Variants in DCC observed in about 807,000 individuals in gnomAD.
DCC encodes the protein netrin receptor DCC.
A neutral mutation model predicts 172.5 loss-of-function variants in DCC; 58 were observed. That is an observed-to-expected ratio of 0.34 (90% CI 0.27 to 0.42). The LOEUF is 0.42. Among genes scored for constraint, DCC ranks in the 10% least tolerant of loss-of-function variants. The pLI is 1.00. For missense variants in DCC, 1,740 were observed against 1,791.0 expected (o/e 0.97, Z 0.51); for synonymous variants, 709 against 644.5 (o/e 1.10, Z -1.52).
intron 5 of DCC, among the ~76,000 whole-genome samples, chr18:52,998,664 G>A (rs1475259473): frequency 6.6e-6 from 1 of 152,030 alleles, no homozygotes; most frequent in South Asian, 2.1e-4. Context: ...TGAAACTCTA[G>A]AGAAAATTTT....
chr18:53,021,316 T>C (rs1250089105), intron 5 of DCC, among the ~76,000 whole-genome samples: 1 of 152,170 alleles, frequency 6.6e-6, no homozygotes, highest in African/African-American at 2.4e-5. Context: ...AGAGCATGAA[T>C]TGGAAGATTT....
chr18:52,569,204 G>A (rs1958188565), intron 1 of DCC, among the ~76,000 whole-genome samples: 2 of 152,172 alleles, frequency 1.3e-5, no homozygotes. Flanking sequence ...GATAAAAGAG[G>A]AACACAACGC....
intron 12 of DCC, among the ~76,000 whole-genome samples, chr18:53,297,319 G>T (rs1453152023): frequency 2.0e-5 from 3 of 152,142 alleles, no homozygotes; most frequent in Non-Finnish European, 4.4e-5. Flanking sequence ...TTTCCATCAG[G>T]TTTACTTGGC....
At chr18:53,283,137 G>A (rs866836136) in intron 12 of DCC, among the ~76,000 whole-genome samples, 4 of 152,098 alleles carry the variant, frequency 2.6e-5, no homozygotes, top group Non-Finnish European at 4.4e-5. Context: ...TTGTTCAAGC[G>A]TTTCAGTATT....
At chr18:52,706,915 C>T (rs185551351) in intron 1 of DCC, among the ~76,000 whole-genome samples, 1 of 152,104 alleles carries the variant, frequency 6.6e-6, no homozygotes, top group East Asian at 1.9e-4. Context: ...AGAGAGGGTC[C>T]CAGGGAGAGG....
intron 1 of DCC, among the ~76,000 whole-genome samples, chr18:52,429,030 C>T (rs1487703045): frequency 6.6e-6 from 1 of 152,030 alleles, no homozygotes; most frequent in Non-Finnish European, 1.5e-5. Flanking sequence ...CCCTCTCTTT[C>T]GCACTTTACT....
chr18:52,795,212 C>T (rs910366302), intron 2 of DCC, among the ~76,000 whole-genome samples: 2 of 151,932 alleles, frequency 1.3e-5, no homozygotes, highest in Non-Finnish European at 2.9e-5. Flanking sequence ...TGTGTTAGTT[C>T]TTCATACATT....
At chr18:52,846,688 T>G (rs1181273194) in intron 2 of DCC, among the ~76,000 whole-genome samples, 1 of 149,660 alleles carries the variant, frequency 6.7e-6, no homozygotes, top group African/African-American at 2.5e-5. Flanking sequence ...TCGCAGAGAT[T>G]GGGAGCTTTC....
chr18:53,426,622 T>A (rs1422094854), intron 21 of DCC, among the ~76,000 whole-genome samples: 2 of 149,592 alleles, frequency 1.3e-5, no homozygotes, highest in East Asian at 1.9e-4. Context: ...ATCCTGTTTT[T>A]CCACTGGGTC....
intron 12 of DCC, among the ~76,000 whole-genome samples, chr18:53,305,252 T>A (rs1198321148): frequency 2.0e-5 from 3 of 152,230 alleles, no homozygotes; most frequent in Non-Finnish European, 2.9e-5. Context: ...AAATATTAGT[T>A]GACATCTCTC....
chr18:52,715,397 T>G lies in DCC; in HGVS notation c.92-36657T>G, dbSNP rs866255699. Reference sequence around the variant, plus strand: ...TCACTGCAACCTCCACCTCCTGGGGTCAAGTGATTCTTGTGCCTCAGCCTC... The same window carrying G: ...TCACTGCAACCTCCACCTCCTGGGGGCAAGTGATTCTTGTGCCTCAGCCTC... On this transcript the variant is annotated intron_variant, in intron 1 of 28. Transcript: ENST00000442544. 3.1e-4 allele frequency among the ~76,000 whole-genome samples: 47 copies of G among 151,634 alleles called. 1 individual carries two copies. The highest frequency in any genetic ancestry group is 3.4e-3 in the Middle Eastern group (1 of 292).
intron 8 of DCC, among the ~76,000 whole-genome samples, chr18:53,161,810 T>A (rs1031575653): frequency 5.9e-5 from 9 of 152,210 alleles, no homozygotes; most frequent in Non-Finnish European, 1.2e-4. Flanking sequence ...CGTCATCAAC[T>A]CTTGGCAGTA....
At chr18:52,597,753 G>T (rs980735260) in intron 1 of DCC, among the ~76,000 whole-genome samples, 2 of 152,150 alleles carry the variant, frequency 1.3e-5, no homozygotes, top group African/African-American at 4.8e-5. Context: ...CAGGTTTCAG[G>T]AAGTCAAAGA....
chr18:52,868,027 A>G (rs1301157083), intron 2 of DCC, among the ~76,000 whole-genome samples: 3 of 120,322 alleles, frequency 2.5e-5, no homozygotes, highest in Admixed American at 1.8e-4. Context: ...TAATATGTGT[A>G]TGTGTGTATA....
intron 5 of DCC, among the ~76,000 whole-genome samples, chr18:52,970,009 G>T (rs1022788877): frequency 1.3e-5 from 2 of 150,770 alleles, no homozygotes; most frequent in Non-Finnish European, 3.0e-5. Flanking sequence ...TGGAAGACTT[G>T]ATTTGACACA....
At chr18:53,172,705 A>G (rs1376623531) in intron 8 of DCC, among the ~76,000 whole-genome samples, 1 of 152,144 alleles carries the variant, frequency 6.6e-6, no homozygotes, top group African/African-American at 2.4e-5. Flanking sequence ...ACAGCAGATG[A>G]TAGACAAATT....
intron 12 of DCC, among the ~76,000 whole-genome samples, chr18:53,287,645 AT>A (rs1472739511): frequency 2.0e-5 from 3 of 152,124 alleles, no homozygotes; most frequent in Admixed American, 6.6e-5. Context: ...TGAAGATTCC[AT>A]TTTTTTCACA....
chr18:53,096,505 G>T (rs2043090195), intron 7 of DCC, among the ~76,000 whole-genome samples: 1 of 152,148 alleles, frequency 6.6e-6, no homozygotes, highest in Non-Finnish European at 1.5e-5. Context: ...CAGTTGAATG[G>T]TTAGTTGTGC....
At chr18:53,441,214 A>T (rs1490999603) in intron 22 of DCC, among the ~76,000 whole-genome samples, 1 of 152,164 alleles carries the variant, frequency 6.6e-6, no homozygotes, top group African/African-American at 2.4e-5. Context: ...TGAGAAAATA[A>T]ATAAATCAAG....
Sources: gnomAD v4.1 joint callset for allele counts (sites outside exome capture counted in the v4.1 genomes callset) on GRCh38, gnomAD v4.1.1 for gene constraint, MANE v1.5 for transcripts, NCBI Gene and HGNC (gene_info 2026-07-23, HGNC 2026-07-21) for gene names.